The following HLCS variants were observed in gnomAD, a reference collection of about 807,000 sequenced individuals.
HLCS encodes holocarboxylase synthetase.
A neutral mutation model predicts 75.0 loss-of-function variants in HLCS; 53 were observed. The observed-to-expected ratio is 0.71, with a 90% CI of 0.57 to 0.89. HLCS has a LOEUF of 0.89. Among genes scored for constraint, HLCS ranks in the 40% least tolerant of loss-of-function variants. HLCS has a pLI of 0.00. For synonymous variants in HLCS, 431 were observed against 428.6 expected (o/e 1.01, Z -0.07); for missense variants, 966 against 1,074.0 (o/e 0.90, Z 1.41).
chr21:36,754,462 A>G (rs1468729180), intron 10 of HLCS, 45 bp from the exon 11 acceptor site: 4 of 1,577,708 alleles, frequency 2.5e-6, no homozygotes, highest in African/African-American at 2.7e-5. Flanking sequence ...GTGTCACAGG[A>G]CGACTTAAGA....
chr21:36,918,851 T>C (rs2066041122), intron 5 of HLCS, among the ~76,000 whole-genome samples: 1 of 152,240 alleles, frequency 6.6e-6, no homozygotes, highest in Non-Finnish European at 1.5e-5. Context: ...GTTGTTTCTC[T>C]CTCACATTTG....
intron 6 of HLCS, among the ~76,000 whole-genome samples, chr21:36,797,510 T>A (rs1202938309): frequency 2.0e-5 from 3 of 152,218 alleles, no homozygotes; most frequent in Non-Finnish European, 4.4e-5. Context: ...GGGCTGTGCA[T>A]CACTTGGGAA....
intron 6 of HLCS, among the ~76,000 whole-genome samples, chr21:36,884,384 C>T (rs962822375): frequency 6.6e-6 from 1 of 152,254 alleles, no homozygotes; most frequent in African/African-American, 2.4e-5. Flanking sequence ...GCCAATGAAG[C>T]TCCAGAGCCT....
intron 6 of HLCS, among the ~76,000 whole-genome samples, chr21:36,792,511 G>A (rs1601274485): frequency 6.6e-6 from 1 of 150,992 alleles, no homozygotes; most frequent in African/African-American, 2.4e-5. Flanking sequence ...GGAGCGGGGG[G>A]AGGAGGAGGA....
chr21:36,848,876 C>A (rs979601267), intron 6 of HLCS, among the ~76,000 whole-genome samples: 6 of 152,060 alleles, frequency 3.9e-5, no homozygotes, highest in African/African-American at 1.4e-4. Context: ...AAAGAAATCC[C>A]AAAGGATGGG....
Position 36,936,502 on chromosome 21 carries a change from T to C in HLCS, c.1384A>G (p.Met462Val), listed in dbSNP as rs148479845. The C allele has an allele frequency of 1.9e-6, 3 of 1,614,070 alleles. No homozygotes were observed. Among genetic ancestry groups the C allele is most frequent in the African/African-American group, 2.7e-5 (2 of 74,912 alleles). The change falls in exon 4 of 11, where the codon ATG becomes GTG. Residue 462 changes from methionine to valine, a missense_variant. Coordinates refer to ENST00000674895, the MANE Select transcript of HLCS (RefSeq NM_001352514.2). ...GHLENEDKDR[M>V]IVHVPFGTRG... Reference sequence around the variant, plus strand: ...GTTCCAAAAGGCACATGCACAATCATCCTGTCCTTGTCCTCATTCTCCAGG... The same window carrying C: ...GTTCCAAAAGGCACATGCACAATCACCCTGTCCTTGTCCTCATTCTCCAGG...
At chr21:36,831,087 C>A (rs889663156) in intron 6 of HLCS, among the ~76,000 whole-genome samples, 2 of 152,042 alleles carry the variant, frequency 1.3e-5, no homozygotes, top group African/African-American at 2.4e-5. Context: ...TTTGTATAAT[C>A]TTTTCGGAGG....
chr21:36,853,923 C>T (rs1456007275), intron 6 of HLCS, among the ~76,000 whole-genome samples: 3 of 152,174 alleles, frequency 2.0e-5, no homozygotes, highest in East Asian at 3.9e-4. Context: ...TGTAGAAAAG[C>T]ATCCTGGAGT....
chr21:36,790,143 T>C (rs150871499), intron 6 of HLCS, among the ~76,000 whole-genome samples: 121 of 152,306 alleles, frequency 7.9e-4, no homozygotes, highest in East Asian at 4.8e-3. Flanking sequence ...CAGTGGCTCA[T>C]GCCTATAATC....
chr21:36,774,855 T>G lies in HLCS; in HGVS notation c.1893-7570A>C, dbSNP rs142722959. 9.2e-5 allele frequency among the ~76,000 whole-genome samples: 14 copies of G among 152,364 alleles called. No individual in the cohort carries two copies. In the East Asian group the frequency reaches 2.7e-3, roughly 29 times the overall value. ...CGGCTGACTTTGTTTAGGTGACTGC[T>G]TAGAAACACTGTTGGTCAGAGGTGT... On this transcript the variant is annotated intron_variant, in intron 6 of 10. Coordinates refer to ENST00000674895, the MANE Select transcript of HLCS (RefSeq NM_001352514.2).
chr21:36,874,678 C>T (rs2063899148), intron 6 of HLCS, among the ~76,000 whole-genome samples: 1 of 152,238 alleles, frequency 6.6e-6, no homozygotes, highest in Non-Finnish European at 1.5e-5. Context: ...TCTGGAGCAG[C>T]CACTGTGGGG....
intron 6 of HLCS, among the ~76,000 whole-genome samples, chr21:36,848,273 T>C (rs867142143): frequency 7.5e-6 from 1 of 133,530 alleles, no homozygotes; most frequent in Non-Finnish European, 1.5e-5. Flanking sequence ...TAATTGTTGT[T>C]TTTTTTTTTT....
chr21:36,763,993 T>C (rs990227064), intron 8 of HLCS, among the ~76,000 whole-genome samples: 2 of 152,156 alleles, frequency 1.3e-5, no homozygotes, highest in African/African-American at 4.8e-5. Context: ...TAAACAGAAG[T>C]AGGAAATGAG....
Position 36,930,363 on chromosome 21 carries a change from C to T in HLCS, c.1508G>A (p.Ser503Asn). The change falls in exon 5 of 11, where the codon AGC becomes AAC. Residue 503 changes from serine (S) to asparagine (N), a missense_variant. Ser to Asn is a conservative substitution (Grantham distance 46, BLOSUM62 1). Coordinates refer to ENST00000674895, the MANE Select transcript of HLCS (RefSeq NM_001352514.2). Reference protein sequence around the residue: ...TPEDFNLLKSSNFRRYEVLRE... With the variant: ...TPEDFNLLKSNNFRRYEVLRE... ...AAGGACTTCGTATCTTCTAAAATTG[C>T]TTGACTTGAGCAAGTTAAAATCTTC... 6.2e-7 allele frequency: 1 copy of T among 1,614,130 alleles called. No individual in the cohort carries two copies. Among genetic ancestry groups the T allele is most frequent in the Non-Finnish European group, 8.5e-7 (1 of 1,180,020 alleles).
chr21:36,772,630 C>T (rs2060241067), intron 6 of HLCS, among the ~76,000 whole-genome samples: 2 of 113,522 alleles, frequency 1.8e-5, no homozygotes, highest in South Asian at 6.0e-4. Context: ...CAGAGCAAGA[C>T]ACTGTCTCAA....
chr21:36,906,291 G>C (rs2065451922), intron 5 of HLCS, among the ~76,000 whole-genome samples: 1 of 152,134 alleles, frequency 6.6e-6, no homozygotes, highest in Admixed American at 6.6e-5. Context: ...ACTTTGGAAG[G>C]CTGAGTATGG....
chr21:36,846,858 A>C (rs1223878834), intron 6 of HLCS, among the ~76,000 whole-genome samples: 2 of 152,164 alleles, frequency 1.3e-5, no homozygotes, highest in African/African-American at 4.8e-5. Context: ...TCCTGTCAAC[A>C]AACCCCGTCT....
At position 36,765,181 on chromosome 21, in the gene HLCS, C is replaced by T; in HGVS notation, c.1961-9G>A. On this transcript the variant is annotated splice_polypyrimidine_tract_variant and intron_variant, in intron 7 of 10. Transcript: ENST00000674895. ...CACATTCCCTCCCCGTCCTGGAACA[C>T]AGGCCACAGTGGGAAACATGCTACC... is the stretch of plus-strand genomic sequence containing the variant. The T allele has an allele frequency of 6.2e-7, 1 of 1,614,182 alleles. No homozygotes were observed. Among genetic ancestry groups the T allele is most frequent in the Non-Finnish European group, 8.5e-7 (1 of 1,180,010 alleles).
intron 6 of HLCS, among the ~76,000 whole-genome samples, chr21:36,850,045 G>A (rs1413178631): frequency 6.6e-6 from 1 of 152,128 alleles, no homozygotes; most frequent in African/African-American, 2.4e-5. Flanking sequence ...CCTAAAATGG[G>A]TCTGGTGGCA....
Sources: gnomAD v4.1 joint callset for allele counts (sites outside exome capture counted in the v4.1 genomes callset) on GRCh38, gnomAD v4.1.1 for gene constraint, MANE v1.5 for transcripts, NCBI Gene and HGNC (gene_info 2026-07-23, HGNC 2026-07-21) for gene names.